The following DENND5A variants were observed in gnomAD, a reference collection of about 807,000 sequenced individuals.
The protein encoded by DENND5A is DENN domain-containing protein 5A.
In DENND5A, 64 loss-of-function variants were observed where a neutral mutation model predicts 140.3. That is an observed-to-expected ratio of 0.46 (90% CI 0.37 to 0.56). The LOEUF is 0.56. Among genes scored for constraint, DENND5A ranks in the 20% least tolerant of loss-of-function variants. The pLI, the probability that DENND5A is intolerant of heterozygous loss-of-function variation, is 0.00. For synonymous variants in DENND5A, 605 were observed against 607.7 expected (o/e 1.00, Z 0.07); for missense variants, 1,292 against 1,593.8 (o/e 0.81, Z 3.22).
chr11:9,177,351 G>GA (rs1235817501), intron 8 of DENND5A, among the ~76,000 whole-genome samples: 1 of 151,612 alleles, frequency 6.6e-6, no homozygotes, highest in East Asian at 1.9e-4. Context: ...ATGTGAATAT[G>GA]AAAAGCTTCT....
intron 5 of DENND5A, among the ~76,000 whole-genome samples, chr11:9,182,260 A>C (rs1196630899): frequency 6.6e-6 from 1 of 151,948 alleles, no homozygotes; most frequent in Non-Finnish European, 1.5e-5. Flanking sequence ...AGGTTACAGT[A>C]AGCTGAGATT....
intron 5 of DENND5A, among the ~76,000 whole-genome samples, chr11:9,184,402 A>C (rs1564902543): frequency 6.6e-6 from 1 of 152,110 alleles, no homozygotes; most frequent in Non-Finnish European, 1.5e-5. Flanking sequence ...TACTGTATTT[A>C]CACTGATTGT....
At chr11:9,222,348 T>G (rs149573074) in intron 1 of DENND5A, among the ~76,000 whole-genome samples, 14 of 152,156 alleles carry the variant, frequency 9.2e-5, no homozygotes, top group African/African-American at 3.4e-4. Context: ...CTAGAAAAAT[T>G]TGACCAAAAA....
chr11:9,213,808 C>CA (rs3074627), intron 1 of DENND5A, among the ~76,000 whole-genome samples: 1 of 69,644 alleles, frequency 1.4e-5, no homozygotes, highest in African/African-American at 5.8e-5. Flanking sequence ...CTCCGTCTCC[C>CA]AAAAAAAAAA....
intron 5 of DENND5A, among the ~76,000 whole-genome samples, chr11:9,191,486 C>T (rs368357062): frequency 2.6e-4 from 40 of 152,142 alleles, no homozygotes; most frequent in East Asian, 1.9e-4. Flanking sequence ...GTGATCTGCC[C>T]GCCTCGGCCT....
intron 1 of DENND5A, among the ~76,000 whole-genome samples, chr11:9,239,637 T>C (rs542775647): frequency 6.6e-6 from 1 of 152,172 alleles, no homozygotes; most frequent in African/African-American, 2.4e-5. Context: ...CAGCTTTTCA[T>C]TTTTTGTAGA....
intron 9 of DENND5A, 37 bp from the exon 10 acceptor site, chr11:9,169,986 G>C (rs1340744980): frequency 4.9e-6 from 7 of 1,435,476 alleles, no homozygotes; most frequent in Non-Finnish European, 6.9e-6. Flanking sequence ...AATTAATAAT[G>C]TCTCACTTAA....
intron 8 of DENND5A, among the ~76,000 whole-genome samples, chr11:9,177,236 T>G (rs1848572832): frequency 7.3e-6 from 1 of 136,188 alleles, no homozygotes; most frequent in Non-Finnish European, 1.5e-5. Flanking sequence ...CCTAGGCAAC[T>G]GAGTGAGACC....
chr11:9,176,948 C>T (rs1415974527), intron 8 of DENND5A: 1 of 455,862 alleles, frequency 2.2e-6, no homozygotes, highest in African/African-American at 2.0e-5. Flanking sequence ...AAAGCTTTTC[C>T]TTTCTGATAA....
chr11:9,260,436 G>A (rs932105782), intron 1 of DENND5A, among the ~76,000 whole-genome samples: 4 of 152,130 alleles, frequency 2.6e-5, no homozygotes, highest in Admixed American at 1.3e-4. Context: ...CCCATCAGAG[G>A]TAGAAAAAGA....
chr11:9,216,303 C>T (rs754083075), intron 1 of DENND5A, among the ~76,000 whole-genome samples: 1 of 152,154 alleles, frequency 6.6e-6, no homozygotes, highest in Non-Finnish European at 1.5e-5. Flanking sequence ...CATGGGAATC[C>T]CACCTTTTAA....
chr11:9,145,293 A>T (rs550651430), intron 17 of DENND5A, 180 bp from the exon 18 acceptor site: 1 of 601,930 alleles, frequency 1.7e-6, no homozygotes, highest in Admixed American at 2.9e-5. Flanking sequence ...GGGGGTGCCC[A>T]AGGCTGAGAA....
At chr11:9,246,100 C>T (rs1203579459) in intron 1 of DENND5A, among the ~76,000 whole-genome samples, 1 of 152,118 alleles carries the variant, frequency 6.6e-6, no homozygotes, top group Non-Finnish European at 1.5e-5. Context: ...AATATGAGTT[C>T]CTTCAAGGAA....
chr11:9,163,902 G>A (rs973254009), intron 11 of DENND5A, among the ~76,000 whole-genome samples: 1 of 122,952 alleles, frequency 8.1e-6, no homozygotes, highest in Non-Finnish European at 1.7e-5. Context: ...AGGCAGAAGA[G>A]ACAAAATTGT....
At chr11:9,247,217 G>A (rs899784016) in intron 1 of DENND5A, among the ~76,000 whole-genome samples, 3 of 147,308 alleles carry the variant, frequency 2.0e-5, no homozygotes, top group Non-Finnish European at 3.0e-5. Context: ...GCGACAGAGC[G>A]AGACTCCGTC....
chr11:9,206,183 G>T (rs1157505217), intron 3 of DENND5A, among the ~76,000 whole-genome samples: 2 of 152,166 alleles, frequency 1.3e-5, no homozygotes, highest in Non-Finnish European at 2.9e-5. Context: ...ATAAAGGTTA[G>T]CTTACTCTAG....
chr11:9,214,571 G>C (rs76192121), intron 1 of DENND5A, among the ~76,000 whole-genome samples: 3,342 of 152,240 alleles, frequency 0.022, 119 homozygotes, highest in African/African-American at 0.076. Context: ...GTAAAGAAAA[G>C]AAGGTAACTG....
chr11:9,146,491 TAG>T (rs574059178), intron 16 of DENND5A, among the ~76,000 whole-genome samples: 255 of 152,272 alleles, frequency 1.7e-3, no homozygotes, highest in Middle Eastern at 0.01. Flanking sequence ...CTTCTGTAAA[TAG>T]AGAGACTGGG....
chr11:9,234,208 C>T (rs1356125694), intron 1 of DENND5A, among the ~76,000 whole-genome samples: 1 of 151,218 alleles, frequency 6.6e-6, no homozygotes, highest in Non-Finnish European at 1.5e-5. Flanking sequence ...ACTAATATAC[C>T]CTCCAAACCA....
Sources: gnomAD v4.1 joint callset for allele counts (sites outside exome capture counted in the v4.1 genomes callset) on GRCh38, gnomAD v4.1.1 for gene constraint, MANE v1.5 for transcripts, NCBI Gene and HGNC (gene_info 2026-07-23, HGNC 2026-07-21) for gene names.